The following EHMT1 variants were observed in gnomAD, a reference collection of about 807,000 sequenced individuals.
The protein encoded by EHMT1 is histone-lysine N-methyltransferase EHMT1.
In EHMT1, 15 loss-of-function variants were observed where a neutral mutation model predicts 147.2. The observed-to-expected ratio is 0.10, with a 90% CI of 0.07 to 0.16. The LOEUF is 0.16. Ranked by LOEUF, EHMT1 falls within the 10% of genes least tolerant of loss-of-function variation. EHMT1 has a pLI of 1.00. For missense variants in EHMT1, 1,587 were observed against 1,772.4 expected (o/e 0.90, Z 1.88); for synonymous variants, 795 against 709.6 (o/e 1.12, Z -1.91).
rs1680943313 is a variant in EHMT1, at chr9:137,745,443, A to G, written c.1170+1353A>G. 3 of 398,564 alleles carry G rather than the reference A, an allele frequency of 7.5e-6. No homozygotes were observed. The East Asian group carries it at 1.1e-4, about 14-fold the overall frequency. 24.7% of individuals were successfully genotyped at this position (398,564 alleles called of 1,614,324 possible). A position where few individuals can be genotyped will look rare whatever the true frequency, so the allele number is the denominator to read the frequency against. On this transcript the variant is annotated intron_variant, in intron 6 of 26. Transcript: ENST00000460843. Reference sequence around the variant, plus strand: ...TTTAAAAATTTTTTATTTTAAGATAATTATTAGTTTTTTCTCCTCTTATAT... The same window carrying G: ...TTTAAAAATTTTTTATTTTAAGATAGTTATTAGTTTTTTCTCCTCTTATAT...
intron 12 of EHMT1, 77 bp from the exon 13 acceptor site, chr9:137,777,805 C>T (rs11137222): frequency 0.03 from 48,027 of 1,582,202 alleles, 876 homozygotes; most frequent in South Asian, 0.044. Flanking sequence ...TAGAAAACAG[C>T]GCTCTCGGGC....
rs75850775 is a variant in EHMT1 at position 137,731,701 on chromosome 9, C to T, written c.823+3172C>T. 5.0e-3 allele frequency among the ~76,000 whole-genome samples: 760 copies of T among 152,264 alleles called. 4 individuals carry two copies. The highest frequency in any genetic ancestry group is 0.017 in the African/African-American group (715 of 41,566). On this transcript the variant is annotated intron_variant, in intron 4 of 26. Transcript: ENST00000460843. This position sits in a 1 kb window ranked among gnomAD's most constrained non-coding sequence, Gnocchi z 4.3. ...TTGCACCTGCTGGGCTCATTCTGCC[C>T]ACTCGGCCCAGCAGGCTGTACTTGG...
intron 13 of EHMT1, 89 bp from the exon 14 acceptor site, chr9:137,779,546 T>C: frequency 2.9e-6 from 4 of 1,394,660 alleles, no homozygotes; most frequent in Non-Finnish European, 4.0e-6. Context: ...GAGGGGCTGG[T>C]GGGGAGATGT....
At chr9:137,721,273 A>AT (rs1945965278) in intron 3 of EHMT1, among the ~76,000 whole-genome samples, 1 of 3,316 alleles carries the variant, frequency 3.0e-4, no homozygotes, top group Non-Finnish European at 5.9e-4. Flanking sequence ...TCTCACACTC[A>AT]CCCCTCCCAG....
intron 1 of EHMT1, chr9:137,676,464 C>G (rs897526921): frequency 2.6e-5 from 4 of 152,506 alleles, no homozygotes; most frequent in African/African-American, 9.7e-5. Flanking sequence ...CTCCCGGGTT[C>G]AGGTGATCCT....
At chr9:137,814,208 C>A (rs1374878788) in intron 21 of EHMT1, 4 of 634,960 alleles carry the variant, frequency 6.3e-6, no homozygotes, top group Admixed American at 4.6e-5. Context: ...TGCCTGCCCC[C>A]TGTCCCTCTG....
At chr9:137,662,794 TTA>T (rs1385190344) in intron 1 of EHMT1, among the ~76,000 whole-genome samples, 1 of 148,672 alleles carries the variant, frequency 6.7e-6, no homozygotes, top group African/African-American at 2.5e-5. Context: ...ATTTATTTAT[TTA>T]TTTATTTATT....
intron 1 of EHMT1, among the ~76,000 whole-genome samples, chr9:137,690,191 G>A (rs988249514): frequency 6.6e-6 from 1 of 152,158 alleles, no homozygotes; most frequent in Non-Finnish European, 1.5e-5. Flanking sequence ...TATTTTGAAG[G>A]CGGAGACTAG....
intron 1 of EHMT1, among the ~76,000 whole-genome samples, chr9:137,661,395 G>T (rs1339182776): frequency 6.6e-6 from 1 of 151,332 alleles, no homozygotes; most frequent in African/African-American, 2.4e-5. Context: ...CTTTTTTATT[G>T]GAGTAAGGAA....
At position 137,818,096 on chromosome 9, in the gene EHMT1, C is replaced by T. The variant is rs374902198; in HGVS notation, c.3498C>T (p.Asp1166=). Residue 1166 remains aspartate, a synonymous_variant, in exon 25 of 27, where the codon GAC becomes GAT. Coordinates refer to ENST00000460843, the MANE Select transcript of EHMT1 (RefSeq NM_024757.5). ...AGCTGATTTCAGACTCAGAAGCCGA[C>T]GTTCGAGAGGAAGATTCTTACCTCT... ...VGELISDSEA[D]VREEDSYLFD... is the part of the protein sequence containing the mutation. The T allele has an allele frequency of 5.9e-5, 96 of 1,614,044 alleles. No individual in the cohort carries two copies. Among genetic ancestry groups the T allele is most frequent in the Middle Eastern group, 1.6e-4 (1 of 6,082 alleles).
At chr9:137,632,799 G>A (rs1843717853) in intron 1 of EHMT1, among the ~76,000 whole-genome samples, 2 of 152,188 alleles carry the variant, frequency 1.3e-5, no homozygotes, top group South Asian at 4.1e-4. Flanking sequence ...TCATATTCCT[G>A]GGTATAGCAT....
intron 4 of EHMT1, among the ~76,000 whole-genome samples, chr9:137,739,355 CA>C (rs58376791): frequency 0.19 from 18,376 of 94,378 alleles, 2,406 homozygotes; most frequent in African/African-American, 0.44. Context: ...GACTCAGTCT[CA>C]AAAAAAAAAA....
chr9:137,718,089 G>T (rs1387897121), intron 3 of EHMT1, among the ~76,000 whole-genome samples: 1 of 136,970 alleles, frequency 7.3e-6, no homozygotes, highest in Non-Finnish European at 1.5e-5. Flanking sequence ...TCACACACAG[G>T]GCGCGCCCGC....
At chr9:137,721,913 T>C (rs1039953762) in intron 3 of EHMT1, among the ~76,000 whole-genome samples, 1 of 152,192 alleles carries the variant, frequency 6.6e-6, no homozygotes, top group African/African-American at 2.4e-5. Flanking sequence ...AGTTTTCTCC[T>C]GTGGATTGTG....
chr9:137,657,808 T>C (rs887193371), intron 1 of EHMT1, among the ~76,000 whole-genome samples: 17 of 151,830 alleles, frequency 1.1e-4, no homozygotes, highest in Admixed American at 5.9e-4. Flanking sequence ...ACTCCCCACC[T>C]CCACTCCACT....
intron 4 of EHMT1, among the ~76,000 whole-genome samples, chr9:137,736,575 A>C (rs1397925149): frequency 2.0e-5 from 3 of 152,242 alleles, no homozygotes; most frequent in African/African-American, 7.2e-5. Context: ...GCCACAAATA[A>C]GTCTCAATGT....
At chr9:137,741,127 C>T (rs541333284) in intron 4 of EHMT1, among the ~76,000 whole-genome samples, 1 of 152,244 alleles carries the variant, frequency 6.6e-6, no homozygotes, top group African/African-American at 2.4e-5. Context: ...CAGGCGCCCG[C>T]CACCTTGGCC....
intron 4 of EHMT1, among the ~76,000 whole-genome samples, chr9:137,729,244 T>C (rs1014216952): frequency 5.3e-5 from 8 of 152,180 alleles, no homozygotes; most frequent in African/African-American, 1.9e-4. Context: ...AAGGCTTCAC[T>C]TGGGGATGAT....
chr9:137,742,322 TG>T, intron 4 of EHMT1, among the ~76,000 whole-genome samples: 1 of 151,336 alleles, frequency 6.6e-6, no homozygotes, highest in East Asian at 1.9e-4. Context: ...TGTGTGTGTG[TG>T]TGTGTGTGTA....
Sources: gnomAD v4.1 joint callset for allele counts (sites outside exome capture counted in the v4.1 genomes callset) on GRCh38, gnomAD v4.1.1 for gene constraint, Gnocchi (gnomAD v3.1) non-coding constraint, MANE v1.5 for transcripts, NCBI Gene and HGNC (gene_info 2026-07-23, HGNC 2026-07-21) for gene names.